SVOP: variants seen among roughly 807,000 people sequenced by gnomAD.
SVOP encodes the protein SV2 related protein.
SVOP carries 17 observed loss-of-function variants against 69.1 expected under a neutral mutation model. That is an observed-to-expected ratio of 0.25 (90% confidence interval 0.17 to 0.37). The LOEUF (loss-of-function observed/expected upper bound fraction) is 0.37, where lower values mean the gene tolerates loss of function less well. SVOP is among the 10% of genes least tolerant of loss of function. The pLI is 1.00. For synonymous variants in SVOP, 238 were observed against 238.6 expected, an observed-to-expected ratio of 1.00 and a Z score of 0.02; for missense variants, 435 against 597.5, an observed-to-expected ratio of 0.73 and a Z score of 2.84.
chr12:109,018,506 C>T (rs2040380452), intron 1 of SVOP, among the ~76,000 whole-genome samples: 1 of 152,154 alleles, frequency 6.6e-6, no homozygotes, highest in South Asian at 2.1e-4. Flanking sequence ...CTTGCCAACC[C>T]TCTACAAGGC....
chr12:108,970,272 T>C (rs2040070913), intron 5 of SVOP, among the ~76,000 whole-genome samples: 1 of 152,200 alleles, frequency 6.6e-6, no homozygotes, highest in Non-Finnish European at 1.5e-5. Context: ...AGACTTAGAA[T>C]GAGCAAGACC....
chr12:108,968,825 G>A (rs899516752), intron 5 of SVOP, among the ~76,000 whole-genome samples: 2 of 150,958 alleles, frequency 1.3e-5, no homozygotes, highest in Admixed American at 6.6e-5. Context: ...ACAGAGTCTC[G>A]CTCTGTTGCC....
rs1299599985 is a variant in SVOP, at chr12:108,999,278, T to C, written c.36-15517A>G. 3.4e-5 allele frequency among the ~76,000 whole-genome samples: 5 copies of C among 146,704 alleles called. No homozygotes were observed. The Admixed American group carries it at 3.4e-4, about 10-fold the overall frequency. ...AAGAGCTAACTATCCTAAATATATA[T>C]GCACCCAATACAGGAGCACCCAGAT... On this transcript the variant is annotated intron_variant, in intron 1 of 15. Coordinates refer to ENST00000610966, the MANE Select transcript of SVOP (RefSeq NM_018711.5).
intron 15 of SVOP, 33 bp from the exon 16 acceptor site, chr12:108,912,774 T>C: frequency 1.2e-6 from 2 of 1,600,496 alleles, no homozygotes; most frequent in South Asian, 1.1e-5. Flanking sequence ...GGTGAAAGCA[T>C]CCCTTCTGAA....
chr12:108,990,550 C>A (rs960909493), intron 1 of SVOP, among the ~76,000 whole-genome samples: 1 of 151,368 alleles, frequency 6.6e-6, no homozygotes, highest in Non-Finnish European at 1.5e-5. Flanking sequence ...AGGAGATATA[C>A]CTAATGTAAA....
At chr12:108,954,798 G>C (rs2039976390) in intron 6 of SVOP, among the ~76,000 whole-genome samples, 1 of 152,228 alleles carries the variant, frequency 6.6e-6, no homozygotes, top group South Asian at 2.1e-4. Flanking sequence ...GGAAGGCCAA[G>C]GTAGGCAGAT....
rs549575598 is a variant in SVOP, at chr12:108,910,974, G to A, written c.*1561C>T. On this transcript the variant is annotated 3_prime_UTR_variant, in exon 16 of 16. Coordinates refer to ENST00000610966, the MANE Select transcript of SVOP (RefSeq NM_018711.5). ...TTCAAGCAGTAGGTCTGTCTGCTCTGGCCTTTGATGGGATCTGCCAGCTTC... is the reference window on the plus strand; with the variant it reads ...TTCAAGCAGTAGGTCTGTCTGCTCTAGCCTTTGATGGGATCTGCCAGCTTC... 6.6e-6 allele frequency: 1 copy of A among 152,312 alleles called. No homozygotes were observed. The highest frequency in any genetic ancestry group is 1.9e-4 in the East Asian group (1 of 5,182). The allele number at this position is 152,312 out of a possible 1,614,324, so 9.4% of individuals were successfully genotyped here. A position where few individuals can be genotyped will look rare whatever the true frequency, so the allele number is the denominator to read the frequency against.
chr12:108,934,057 CAG>C (rs1166770252), intron 11 of SVOP, 136 bp downstream of exon 11: 3 of 672,448 alleles, frequency 4.5e-6, no homozygotes, highest in Non-Finnish European at 2.5e-6. Flanking sequence ...CAGGTTTCTA[CAG>C]AGTGTCTTGG....
chr12:108,952,266 A>C, intron 6 of SVOP, among the ~76,000 whole-genome samples: 1 of 110,498 alleles, frequency 9.0e-6, no homozygotes, highest in Admixed American at 1.4e-4. Context: ...TCAGAGTCTC[A>C]CTCTGTTCCC....
At chr12:108,940,997 T>C in intron 7 of SVOP, 88 bp from the exon 8 acceptor site, 1 of 1,463,684 alleles carries the variant, frequency 6.8e-7, no homozygotes, top group Non-Finnish European at 9.1e-7. Flanking sequence ...AGGGTATCTC[T>C]GTGGGTAAGG....
chr12:108,948,205 C>T (rs947943238), intron 6 of SVOP, among the ~76,000 whole-genome samples: 1 of 152,194 alleles, frequency 6.6e-6, no homozygotes, highest in Non-Finnish European at 1.5e-5. Context: ...AAACCACATC[C>T]TTGTGAACTT....
At chr12:108,971,580 A>G (rs144338367) in intron 5 of SVOP, among the ~76,000 whole-genome samples, 104,561 of 151,584 alleles carry the variant, frequency 0.69, 36,574 homozygotes, top group South Asian at 0.79. Context: ...ATTTCATATC[A>G]TGTCTGAGCT....
intron 6 of SVOP, among the ~76,000 whole-genome samples, chr12:108,950,143 A>G (rs1032719733): frequency 2.6e-5 from 4 of 152,120 alleles, no homozygotes; most frequent in African/African-American, 7.2e-5. Flanking sequence ...AGCTCACTGC[A>G]GCCTTGAGCT....
chr12:109,013,147 T>C (rs1390169536), intron 1 of SVOP, among the ~76,000 whole-genome samples: 1 of 152,194 alleles, frequency 6.6e-6, no homozygotes, highest in East Asian at 1.9e-4. Context: ...AATCCAGTAG[T>C]AGGTGAAACT....
chr12:108,994,489 T>C (rs566452279), intron 1 of SVOP, among the ~76,000 whole-genome samples: 1 of 152,210 alleles, frequency 6.6e-6, no homozygotes, highest in South Asian at 2.1e-4. Context: ...GTGAACTCTG[T>C]CAAAAAATAA....
intron 1 of SVOP, among the ~76,000 whole-genome samples, chr12:109,020,103 C>T (rs976314547): frequency 6.6e-6 from 1 of 152,078 alleles, no homozygotes; most frequent in South Asian, 2.1e-4. Flanking sequence ...AATCTGTAAG[C>T]CCCTCTACAA....
chr12:108,989,675 C>T (rs1485974034), intron 1 of SVOP, among the ~76,000 whole-genome samples: 1 of 152,230 alleles, frequency 6.6e-6, no homozygotes, highest in Non-Finnish European at 1.5e-5. Flanking sequence ...GAGGGAGCTA[C>T]AGTTGTGAAC....
At chr12:108,928,930 C>T (rs2039799253) in intron 11 of SVOP, among the ~76,000 whole-genome samples, 1 of 152,128 alleles carries the variant, frequency 6.6e-6, no homozygotes, top group African/African-American at 2.4e-5. Context: ...CCTGCCTATA[C>T]CCAGAGAAAA....
chr12:108,957,900 A>T (rs1191527117), intron 6 of SVOP, among the ~76,000 whole-genome samples: 1 of 152,258 alleles, frequency 6.6e-6, no homozygotes. Flanking sequence ...TGTGAGCTCC[A>T]TTGGCATCCA....
Sources: gnomAD v4.1 joint callset for allele counts (sites outside exome capture counted in the v4.1 genomes callset) on GRCh38, gnomAD v4.1.1 for gene constraint, MANE v1.5 for transcripts, NCBI Gene and HGNC (gene_info 2026-07-23, HGNC 2026-07-21) for gene names.